The following FAF1 variants were observed in gnomAD, a reference collection of about 807,000 sequenced individuals.
FAF1 encodes FAS-associated factor 1.
A neutral mutation model predicts 92.5 loss-of-function variants in FAF1; 25 were observed. That is an observed-to-expected ratio of 0.27 (90% CI 0.20 to 0.38). The LOEUF is 0.38. FAF1 is among the 10% of genes least tolerant of loss of function. The probability of loss-of-function intolerance (pLI) is 1.00; values close to 1 mark genes in which losing one functional copy is unlikely to be tolerated. For missense variants in FAF1, 636 were observed against 793.3 expected, an observed-to-expected ratio of 0.80 and a Z score of 2.38; for synonymous variants, 234 against 273.2, an observed-to-expected ratio of 0.86 and a Z score of 1.42.
At chr1:50,765,831 C>T (rs368917749) in intron 4 of FAF1, among the ~76,000 whole-genome samples, 6 of 152,186 alleles carry the variant, frequency 3.9e-5, no homozygotes, top group African/African-American at 1.4e-4. Flanking sequence ...TGACTCACAC[C>T]TGTAATCCCA....
chr1:50,928,697 C>T (rs1470759868), intron 1 of FAF1, among the ~76,000 whole-genome samples: 2 of 148,906 alleles, frequency 1.3e-5, no homozygotes, highest in South Asian at 2.1e-4. Context: ...GCAAGAGAAT[C>T]GCTTGAACCT....
At chr1:50,717,180 A>G (rs1370350837) in intron 6 of FAF1, among the ~76,000 whole-genome samples, 2 of 152,350 alleles carry the variant, frequency 1.3e-5, no homozygotes, top group African/African-American at 4.8e-5. Flanking sequence ...CCTGGGCTTC[A>G]GGGCTGCTAT....
chr1:50,591,675 A>G (rs533487398), intron 9 of FAF1, among the ~76,000 whole-genome samples: 55 of 1,122 alleles, frequency 0.049, no homozygotes, highest in Non-Finnish European at 0.19. Flanking sequence ...TCCATCTCAG[A>G]AAAAAAAAAA....
chr1:50,908,625 A>AAT lies in FAF1; in HGVS notation c.46-50630_46-50629dup, dbSNP rs1644858974. On this transcript the variant is annotated intron_variant, in intron 1 of 18. Transcript: ENST00000396153. The stretch of plus-strand genomic sequence containing the variant: ...TGAATTGATCCCTTTACCATTATGT[A>AAT]ATGGCCTTCTTTGTCTCTTTTGATC... 2.0e-5 allele frequency among the ~76,000 whole-genome samples: 3 copies of AAT among 152,034 alleles called. No homozygotes were observed. In the South Asian group the frequency reaches 6.2e-4, roughly 32 times the overall value.
intron 2 of FAF1, among the ~76,000 whole-genome samples, chr1:50,843,164 G>A (rs1219831038): frequency 2.0e-5 from 3 of 152,114 alleles, no homozygotes; most frequent in African/African-American, 7.2e-5. Context: ...CATTCTACTA[G>A]TGATCACAAC....
intron 15 of FAF1, among the ~76,000 whole-genome samples, chr1:50,498,900 GAGA>G (rs1392150532): frequency 1.3e-5 from 2 of 151,174 alleles, no homozygotes; most frequent in Non-Finnish European, 2.9e-5. Context: ...ACATTTTCCA[GAGA>G]AGATGTATAA....
intron 4 of FAF1, among the ~76,000 whole-genome samples, chr1:50,766,118 G>C (rs1660561725): frequency 6.6e-6 from 1 of 151,874 alleles, no homozygotes; most frequent in Non-Finnish European, 1.5e-5. Context: ...ATGAGACCTA[G>C]CCCATCTCAG....
At chr1:50,929,702 T>C (rs573760879) in intron 1 of FAF1, among the ~76,000 whole-genome samples, 1 of 152,338 alleles carries the variant, frequency 6.6e-6, no homozygotes, top group East Asian at 1.9e-4. Flanking sequence ...GGCATAGTGT[T>C]AGGGTCTGGA....
At chr1:50,460,593 G>GTA (rs925023603) in intron 18 of FAF1, among the ~76,000 whole-genome samples, 18 of 151,524 alleles carry the variant, frequency 1.2e-4, no homozygotes, top group African/African-American at 2.7e-4. Flanking sequence ...GTGTGTGTAT[G>GTA]TATATATATG....
At chr1:50,544,999 A>T (rs548143619) in intron 13 of FAF1, among the ~76,000 whole-genome samples, 2 of 152,070 alleles carry the variant, frequency 1.3e-5, no homozygotes, top group African/African-American at 2.4e-5. Context: ...AGTTTTATTA[A>T]ACTTACATGG....
At chr1:50,801,166 AGTT>A (rs1171338451) in intron 3 of FAF1, among the ~76,000 whole-genome samples, 1 of 152,242 alleles carries the variant, frequency 6.6e-6, no homozygotes, top group Admixed American at 6.5e-5. Context: ...TACTCTGAAG[AGTT>A]GCATTATTAA....
Position 50,907,954 on chromosome 1 carries a change from T to C in FAF1, c.46-49957A>G, listed in dbSNP as rs545842514. ...GCTCTTGCTTATCTAGTTCTTTTAA[T>C]TGTGATGTTAGGGTGTCAATTTTAG... On this transcript the variant is annotated intron_variant, in intron 1 of 18. Coordinates refer to ENST00000396153, the MANE Select transcript of FAF1 (RefSeq NM_007051.3). 1.6e-4 allele frequency among the ~76,000 whole-genome samples: 24 copies of C among 152,294 alleles called. No homozygotes were observed. In the South Asian group the frequency reaches 2.7e-3, roughly 17 times the overall value.
At chr1:50,565,710 T>A (rs965603269) in intron 13 of FAF1, among the ~76,000 whole-genome samples, 1 of 152,062 alleles carries the variant, frequency 6.6e-6, no homozygotes, top group African/African-American at 2.4e-5. Context: ...TTTTTTGTCA[T>A]TGTAAAATAA....
chr1:50,562,542 TA>T (rs1180617448), intron 13 of FAF1, among the ~76,000 whole-genome samples: 2 of 152,218 alleles, frequency 1.3e-5, no homozygotes, highest in Non-Finnish European at 2.9e-5. Context: ...AATCTCTAAA[TA>T]GAAAGAGTAA....
At chr1:50,922,458 C>CAAAAAAAAAAAAA (rs33971185) in intron 1 of FAF1, among the ~76,000 whole-genome samples, 14 of 37,262 alleles carry the variant, frequency 3.8e-4, no homozygotes, top group African/African-American at 7.4e-4. Flanking sequence ...GACTCTGCCT[C>CAAAAAAAAAAAAA]AAAAAAAAAA....
chr1:50,561,273 AC>A (rs1175041052), intron 13 of FAF1, among the ~76,000 whole-genome samples: 1 of 152,206 alleles, frequency 6.6e-6, no homozygotes, highest in Non-Finnish European at 1.5e-5. Context: ...ATATGAGCGT[AC>A]ACCATGACAT....
chr1:50,863,812 G>C (rs1475957830), intron 1 of FAF1, among the ~76,000 whole-genome samples: 1 of 151,932 alleles, frequency 6.6e-6, no homozygotes, highest in East Asian at 1.9e-4. Flanking sequence ...GGTAGAATTC[G>C]GCTGTGAATC....
At chr1:50,582,580 A>G (rs1389897809) in intron 12 of FAF1, 38 bp downstream of exon 12, 1 of 1,300,932 alleles carries the variant, frequency 7.7e-7, no homozygotes, top group Non-Finnish European at 1.1e-6. Context: ...AACCTGTGGG[A>G]TGCACTTTTT....
intron 1 of FAF1, among the ~76,000 whole-genome samples, chr1:50,947,354 A>C (rs549940378): frequency 3.3e-5 from 5 of 152,216 alleles, no homozygotes; most frequent in Admixed American, 6.5e-5. Context: ...TAAGGTGCAC[A>C]TAACCTGAAA....
Sources: allele counts gnomAD v4.1 joint callset (sites outside exome capture counted in the v4.1 genomes callset), GRCh38; gene constraint gnomAD v4.1.1; transcripts MANE v1.5; gene names NCBI Gene and HGNC (gene_info 2026-07-23, HGNC 2026-07-21).